Variants in MYOF observed in about 807,000 individuals in gnomAD.
MYOF encodes the protein fer-1-like 3, myoferlin.
In MYOF, 244 loss-of-function variants were observed where a neutral mutation model predicts 284.2. That is an observed-to-expected ratio of 0.86 (90% CI 0.77 to 0.95). The LOEUF (loss-of-function observed/expected upper bound fraction) is 0.95. Ranked by LOEUF, MYOF falls within the 40% of genes least tolerant of loss-of-function variation. The pLI, the probability that MYOF is intolerant of heterozygous loss-of-function variation, is 0.00. For missense variants in MYOF, 2,496 were observed against 2,560.6 expected, an observed-to-expected ratio of 0.97 and a Z score of 0.54; for synonymous variants, 904 against 919.7, an observed-to-expected ratio of 0.98 and a Z score of 0.31.
intron 38 of MYOF, 173 bp from the exon 39 acceptor site, chr10:93,340,337 G>A: frequency 3.1e-6 from 2 of 638,818 alleles, no homozygotes; most frequent in Non-Finnish European, 5.3e-6. Flanking sequence ...TTCTAAGTCA[G>A]GATGAGCCCA....
In MYOF at chr10:93,421,667, A is replaced by G. The variant is rs58901531; in HGVS notation, c.433+4404T>C. 7.4e-3 allele frequency among the ~76,000 whole-genome samples: 1,130 copies of G among 151,952 alleles called. 14 individuals are homozygous for G. The highest frequency in any genetic ancestry group is 0.026 in the African/African-American group (1,062 of 41,424). On this transcript the variant is annotated intron_variant, in intron 5 of 53. Coordinates refer to ENST00000359263, the MANE Select transcript of MYOF (RefSeq NM_013451.4). The stretch of plus-strand genomic sequence containing the variant: ...GAGTGGCACCCTTGCCTTCTCTCTC[A>G]TTTTCCTCCTCTCTGATCATGTGAT...
At position 93,404,239 on chromosome 10, in the gene MYOF, G is replaced by C; in HGVS notation, c.730-20C>G. The C allele has an allele frequency of 6.2e-7, 1 of 1,613,122 alleles. No homozygotes were observed. The highest frequency in any genetic ancestry group is 8.5e-7 in the Non-Finnish European group (1 of 1,179,332). ...AAACAACTGCCAAAACAATAGAGCA[G>C]ATGTTTAAATGTTAACAGGGGATTC... On this transcript the variant is annotated intron_variant, in intron 7 of 53. Transcript: ENST00000359263.
intron 40 of MYOF, among the ~76,000 whole-genome samples, chr10:93,336,866 A>G (rs888506899): frequency 3.5e-5 from 3 of 85,544 alleles, no homozygotes; most frequent in Admixed American, 1.5e-4. Flanking sequence ...GGAAGAAGGA[A>G]AGAAAGGAAG....
rs1842128947 is a variant in MYOF at position 93,306,982 on chromosome 10, A to G, written c.6167T>C (p.Ile2056Thr). ...YSLPNYLSMK[I>T]VKPNV is the part of the protein sequence containing the mutation. ...CCTTTGTTACACATTTGGCTTTACA[A>G]TCTTCATTGACAAATAGTTCTGGAA... The change falls in exon 54 of 54, where the codon ATT becomes ACT. Residue 2056 changes from isoleucine (I) to threonine (T), a missense_variant. Ile to Thr is a moderately conservative substitution (Grantham distance 89, BLOSUM62 -1). Transcript: ENST00000359263. 1 of 1,613,096 alleles carries G rather than the reference A, an allele frequency of 6.2e-7. No homozygotes were observed. The highest frequency in any genetic ancestry group is 8.5e-7 in the Non-Finnish European group (1 of 1,179,468).
Position 93,351,261 on chromosome 10 carries a change from C to G in MYOF, c.3857G>C (p.Arg1286Thr), listed in dbSNP as rs567501010. ...GSNLPILPPQ[R>T]APNLYMVPQG... ...GGGGACCATGTATAGATTTGGCGCCCTTTGAGGGGGAAGAATGGGAAGGTT... is the reference window on the plus strand; with the variant it reads ...GGGGACCATGTATAGATTTGGCGCCGTTTGAGGGGGAAGAATGGGAAGGTT... Residue 1286 changes from arginine (R) to threonine (T), a missense_variant, in exon 35 of 54, where the codon AGG becomes ACG. Physicochemically the swap from Arg to Thr is moderately conservative, Grantham distance 71. Transcript: ENST00000359263. 1 of 1,613,574 alleles carries G rather than the reference C, an allele frequency of 6.2e-7. No homozygotes were observed. The highest frequency in any genetic ancestry group is 8.5e-7 in the Non-Finnish European group (1 of 1,179,940).
Position 93,385,334 on chromosome 10 carries a change from C to T in MYOF, c.1698+2463G>A, listed in dbSNP as rs139893306. Among the ~76,000 whole-genome samples the T allele has an allele frequency of 4.6e-3, 697 of 152,332 alleles. 5 individuals are homozygous for T. The highest frequency in any genetic ancestry group is 5.2e-3 in the Non-Finnish European group (351 of 68,040). On this transcript the variant is annotated intron_variant, in intron 19 of 53. Coordinates refer to ENST00000359263, the MANE Select transcript of MYOF (RefSeq NM_013451.4). ...AATCTGCTGCATCCCTCCTGCACTGCAGCCTCTCTTGACCAGGCCCACCGG... is the reference window on the plus strand; with the variant it reads ...AATCTGCTGCATCCCTCCTGCACTGTAGCCTCTCTTGACCAGGCCCACCGG...
chr10:93,469,731 C>T (rs1012755565), intron 1 of MYOF, among the ~76,000 whole-genome samples: 5 of 152,070 alleles, frequency 3.3e-5, no homozygotes, highest in South Asian at 2.1e-4. Flanking sequence ...GATTTGGATG[C>T]GACCAAGACC....
rs74150216 is a variant in MYOF, at chr10:93,372,972, T to C, written c.2415A>G (p.Ala805=). The C allele has an allele frequency of 7.8e-3, 12,633 of 1,614,208 alleles. 131 individuals are homozygous for C. Among genetic ancestry groups the C allele is most frequent in the Middle Eastern group, 0.048 (290 of 6,062 alleles). The part of the protein sequence containing the change: ...QVLYSTSGEN[A]SGKYCGKTQT... ...GGGTTTTCCCACAGTATTTTCCAGA[T>C]GCATTCTCACCACTGGTGGAGTACA... is the stretch of plus-strand genomic sequence containing the variant. Residue 805 remains alanine (A), a synonymous_variant, in exon 24 of 54, where the codon GCA becomes GCG. Transcript: ENST00000359263.
chr10:93,437,814 C>A (rs758639109), intron 3 of MYOF, among the ~76,000 whole-genome samples: 8 of 152,210 alleles, frequency 5.3e-5, no homozygotes, highest in Non-Finnish European at 1.2e-4. Flanking sequence ...TTCTCCCTCT[C>A]CTGGGCCAGT....
chr10:93,320,258 G>A lies in MYOF; in HGVS notation c.5457-245C>T, dbSNP rs1027961085. ...AAAGCAGGAAACCCTTTAGACTTCA[G>A]TTAACAGGGCTAAGGTGAAATTTTC... On this transcript the variant is annotated intron_variant, in intron 48 of 53. Transcript: ENST00000359263. Among the ~76,000 whole-genome samples, 18 of 152,170 alleles carry A rather than the reference G, an allele frequency of 1.2e-4. 1 individual carries two copies. Among genetic ancestry groups the A allele is most frequent in the Admixed American group, 1.2e-3 (18 of 15,276 alleles).
At chr10:93,387,996 G>A (rs1390900427) in intron 18 of MYOF, 83 bp from the exon 19 acceptor site, 1 of 1,087,362 alleles carries the variant, frequency 9.2e-7, no homozygotes, top group Non-Finnish European at 1.4e-6. Flanking sequence ...TAATACAACT[G>A]CAAAAAGTTT....
Position 93,482,205 on chromosome 10 carries a change from T to C in MYOF, c.-11A>G, listed in dbSNP as rs59979268. ...AATCACTCGCAGCATGGTTCTTAGC[T>C]GGTAGAAAGCAAGTTTCAGCAAACG... is the stretch of plus-strand genomic sequence containing the variant. On this transcript the variant is annotated 5_prime_UTR_variant, in exon 1 of 54. Transcript: ENST00000359263. The C allele has an allele frequency of 6.2e-7, 1 of 1,609,022 alleles. No homozygotes were observed. The highest frequency in any genetic ancestry group is 8.5e-7 in the Non-Finnish European group (1 of 1,178,010).
intron 32 of MYOF, among the ~76,000 whole-genome samples, chr10:93,353,069 C>T (rs1260668748): frequency 2.6e-5 from 4 of 152,254 alleles, no homozygotes; most frequent in Middle Eastern, 3.4e-3. Context: ...ACTCATTTCT[C>T]GGGGCAAATG....
At chr10:93,325,704 T>A (rs1843013159) in intron 46 of MYOF, 122 bp downstream of exon 46, 2 of 1,245,342 alleles carry the variant, frequency 1.6e-6, no homozygotes, top group African/African-American at 1.5e-5. Context: ...CTAATTTGAG[T>A]CTCATTTCTA....
rs369905616 is a variant in MYOF, at chr10:93,450,063, GC to G, written c.236+1986del. On this transcript the variant is annotated intron_variant, in intron 3 of 53. Coordinates refer to ENST00000359263, the MANE Select transcript of MYOF (RefSeq NM_013451.4). ...AGTTGAGGCCAAGAGTTCGAGACCA[GC>G]CTGGCCAACATGGTGAAACCTCATC... Among the ~76,000 whole-genome samples the G allele has an allele frequency of 1.9e-4, 29 of 152,170 alleles. No homozygotes were observed. In the East Asian group the frequency reaches 4.5e-3, roughly 23 times the overall value.
chr10:93,406,867 C>T (rs1564692389), intron 7 of MYOF, among the ~76,000 whole-genome samples: 2 of 151,988 alleles, frequency 1.3e-5, no homozygotes, highest in Non-Finnish European at 2.9e-5. Flanking sequence ...GGACAAACGC[C>T]AGAGCTGGGA....
At chr10:93,323,990 G>A (rs113819098) in intron 46 of MYOF, among the ~76,000 whole-genome samples, 2 of 152,336 alleles carry the variant, frequency 1.3e-5, no homozygotes, top group African/African-American at 4.8e-5. Flanking sequence ...CAAAAGGTAA[G>A]GATTCCTGGC....
chr10:93,462,594 G>C (rs2056909399), intron 1 of MYOF, among the ~76,000 whole-genome samples: 2 of 151,982 alleles, frequency 1.3e-5, no homozygotes, highest in African/African-American at 4.8e-5. Flanking sequence ...AGCTAATAAG[G>C]AAAAACTAAG....
At chr10:93,480,462 G>A (rs1279569634) in intron 1 of MYOF, among the ~76,000 whole-genome samples, 1 of 128,358 alleles carries the variant, frequency 7.8e-6, no homozygotes, top group South Asian at 2.4e-4. Context: ...CCAACAATTT[G>A]CCAGCTTTTT....
Sources: gnomAD v4.1 joint callset for allele counts (sites outside exome capture counted in the v4.1 genomes callset) on GRCh38, gnomAD v4.1.1 for gene constraint, MANE v1.5 for transcripts, NCBI Gene and HGNC (gene_info 2026-07-23, HGNC 2026-07-21) for gene names.